The following S100Z variants were observed in gnomAD, a reference collection of about 807,000 sequenced individuals.
The protein encoded by S100Z is protein S100-Z.
In S100Z, 11 loss-of-function variants were observed where a neutral mutation model predicts 8.5. The ratio of observed to expected loss-of-function variants is 1.30; its 90% CI spans 0.82 to 2.15. The LOEUF is 2.15. Ranked by LOEUF, S100Z falls within the 30% of genes most tolerant of loss-of-function variation. The probability of loss-of-function intolerance (pLI) is 0.00; values close to 1 mark genes in which losing one functional copy is unlikely to be tolerated. For synonymous variants in S100Z, 34 were observed against 43.8 expected, an observed-to-expected ratio of 0.78 and a Z score of 0.89; for missense variants, 126 against 117.9, an observed-to-expected ratio of 1.07 and a Z score of -0.32.
At chr5:76,858,510 G>C (rs1750949743) in intron 1 of S100Z, among the ~76,000 whole-genome samples, 1 of 147,900 alleles carries the variant, frequency 6.8e-6, no homozygotes, top group Non-Finnish European at 1.5e-5. Context: ...GCAGCAGAGT[G>C]AGACCCTGTC....
chr5:76,885,874 G>GTGGAGAGAAAAGAGAGAGTAGAGGCA (rs1206215836), intron 4 of S100Z, among the ~76,000 whole-genome samples: 49 of 149,400 alleles, frequency 3.3e-4, no homozygotes, highest in African/African-American at 1.1e-3. Context: ...CCCCAGAAAA[G>GTGGAGAGAAAAGAGAGAGTAGAGGCA]TGGAGAGAAA....
At chr5:76,852,605 G>A (rs917301421) in intron 1 of S100Z, among the ~76,000 whole-genome samples, 1 of 152,172 alleles carries the variant, frequency 6.6e-6, no homozygotes. Context: ...AGCTACTCAG[G>A]AGGCTAAGGC....
intron 4 of S100Z, among the ~76,000 whole-genome samples, chr5:76,885,914 T>TG (rs1470420047): frequency 2.2e-5 from 2 of 91,782 alleles, no homozygotes; most frequent in East Asian, 3.1e-4. Flanking sequence ...AGAGAAGGAG[T>TG]GGGGGGTGCT....
At chr5:76,885,776 A>G (rs1161455975) in intron 4 of S100Z, among the ~76,000 whole-genome samples, 1 of 146,078 alleles carries the variant, frequency 6.8e-6, no homozygotes, top group African/African-American at 2.6e-5. Context: ...AGAGACACAG[A>G]CAGAAGAGGT....
At chr5:76,905,668 T>A (rs1020887467) in intron 4 of S100Z, among the ~76,000 whole-genome samples, 3 of 152,180 alleles carry the variant, frequency 2.0e-5, no homozygotes, top group Non-Finnish European at 4.4e-5. Context: ...TACCTCGGCT[T>A]CCCAAGGTGC....
chr5:76,921,630 A>C lies in S100Z; in HGVS notation c.*916A>C, dbSNP rs1745037843. ...ATTTTAAAAGGAAATGATTACAATA[A>C]ATACCCAGAGTCAACAATTATCAAG... On this transcript the variant is annotated 3_prime_UTR_variant, in exon 5 of 5. Transcript: ENST00000317593. 1 of 152,216 alleles carries C rather than the reference A, an allele frequency of 6.6e-6. No individual in the cohort carries two copies. The highest frequency in any genetic ancestry group is 1.5e-5 in the Non-Finnish European group (1 of 68,042). 9.4% of individuals were successfully genotyped at this position (152,216 alleles called of 1,614,324 possible).
At chr5:76,944,022 T>C in the S100Z span, among the ~76,000 whole-genome samples, 96,083 of 151,770 alleles carry the variant, frequency 0.63, 30,789 homozygotes, top group South Asian at 0.77. Flanking sequence ...TTTTTTGGCA[T>C]CCCCTTAACT....
chr5:76,907,303 G>T (rs1744491261), intron 4 of S100Z, among the ~76,000 whole-genome samples: 1 of 151,456 alleles, frequency 6.6e-6, no homozygotes, highest in South Asian at 2.1e-4. Context: ...TTGCTTTGTA[G>T]TAATTCTTTT....
chr5:76,927,004 G>A, the S100Z span, among the ~76,000 whole-genome samples: 1 of 152,134 alleles, frequency 6.6e-6, no homozygotes, highest in African/African-American at 2.4e-5. Context: ...AATGGTTAGG[G>A]CAATTCCCAA....
At chr5:76,923,081 G>A (rs752877146), downstream of S100Z, among the ~76,000 whole-genome samples, 2 of 150,726 alleles carry the variant, frequency 1.3e-5, no homozygotes, top group Non-Finnish European at 2.9e-5. Context: ...TAATAATTCC[G>A]TGACATCATC....
At chr5:76,918,045 T>C (rs1580069472) in intron 4 of S100Z, among the ~76,000 whole-genome samples, 1 of 152,232 alleles carries the variant, frequency 6.6e-6, no homozygotes, top group South Asian at 2.1e-4. Flanking sequence ...ATTGGACTTG[T>C]GGTCAAAGGT....
intron 1 of S100Z, among the ~76,000 whole-genome samples, chr5:76,852,228 T>A (rs1273814594): frequency 6.6e-6 from 1 of 152,128 alleles, no homozygotes; most frequent in Non-Finnish European, 1.5e-5. Context: ...TCGGTCCTCT[T>A]ATCAGCATGG....
intron 1 of S100Z, among the ~76,000 whole-genome samples, chr5:76,867,093 C>T (rs1742779990): frequency 6.6e-6 from 1 of 152,106 alleles, no homozygotes; most frequent in East Asian, 1.9e-4. Flanking sequence ...TTAAAAATAG[C>T]TTTGAGTTAT....
chr5:76,872,929 C>T (rs1362268982), intron 2 of S100Z, among the ~76,000 whole-genome samples: 1 of 152,046 alleles, frequency 6.6e-6, no homozygotes, highest in African/African-American at 2.4e-5. Context: ...GCTGTGATGG[C>T]ACCACTGCAC....
At chr5:76,930,763 T>C in the S100Z span, among the ~76,000 whole-genome samples, 2 of 152,176 alleles carry the variant, frequency 1.3e-5, no homozygotes, top group South Asian at 2.1e-4. Context: ...TTTTGAGGAA[T>C]TGACCATTAT....
the S100Z span, among the ~76,000 whole-genome samples, chr5:76,950,282 G>A: frequency 1.3e-5 from 2 of 152,178 alleles, no homozygotes; most frequent in African/African-American, 2.4e-5. Flanking sequence ...GGATTTTGTG[G>A]TCACCCTGAA....
intron 1 of S100Z, among the ~76,000 whole-genome samples, chr5:76,851,144 C>T (rs923352379): frequency 6.6e-6 from 1 of 152,196 alleles, no homozygotes; most frequent in Non-Finnish European, 1.5e-5. Flanking sequence ...GGAGTGCTCC[C>T]AGGAGCTGAG....
At chr5:76,883,672 G>A (rs907021385) in intron 4 of S100Z, among the ~76,000 whole-genome samples, 1 of 152,194 alleles carries the variant, frequency 6.6e-6, no homozygotes, top group African/African-American at 2.4e-5. Flanking sequence ...AGAATATCTG[G>A]GAATGAGTCA....
rs1199855142 is a variant in S100Z, at chr5:76,912,842, AAGAG to A, written c.*3-7864_*3-7861del. 2.0e-5 allele frequency among the ~76,000 whole-genome samples: 3 copies of A among 151,526 alleles called. No homozygotes were observed. The South Asian group carries it at 6.3e-4, about 32-fold the overall frequency. On this transcript the variant is annotated intron_variant, in intron 4 of 4. Coordinates refer to ENST00000317593, the MANE Select transcript of S100Z (RefSeq NM_130772.4). ...GAAAGAAAAGAGAGAAAGAGACAGA[AAGAG>A]AGAGAGAGAGGAAGAGACAGACACA...
Sources: allele counts gnomAD v4.1 joint callset (sites outside exome capture counted in the v4.1 genomes callset), GRCh38; gene constraint gnomAD v4.1.1; transcripts MANE v1.5; gene names NCBI Gene and HGNC (gene_info 2026-07-23, HGNC 2026-07-21).